LUZP2: variants seen among roughly 807,000 people sequenced by gnomAD.
The protein encoded by LUZP2 is leucine zipper protein 2.
A neutral mutation model predicts 51.6 loss-of-function variants in LUZP2; 52 were observed. The ratio of observed to expected loss-of-function variants is 1.01; its 90% CI spans 0.81 to 1.27. The LOEUF (loss-of-function observed/expected upper bound fraction) is 1.27. LUZP2 is among the 50% of genes most tolerant of loss of function. The pLI is 0.00. For synonymous variants in LUZP2, 154 were observed against 137.3 expected (o/e 1.12, Z -0.85); for missense variants, 436 against 395.4 (o/e 1.10, Z -0.87).
At chr11:24,563,294 T>C (rs1852113174) in intron 1 of LUZP2, among the ~76,000 whole-genome samples, 1 of 152,216 alleles carries the variant, frequency 6.6e-6, no homozygotes, top group African/African-American at 2.4e-5. Flanking sequence ...AAGCAGTTTC[T>C]TTCCATGAAA....
intron 1 of LUZP2, among the ~76,000 whole-genome samples, chr11:24,672,693 A>G (rs187527911): frequency 7.8e-4 from 119 of 152,350 alleles, no homozygotes; most frequent in Non-Finnish European, 1.3e-3. Context: ...TGCAAAAATC[A>G]TAGACTGTAC....
At chr11:24,777,389 G>A (rs532752122) in intron 5 of LUZP2, among the ~76,000 whole-genome samples, 1,833 of 152,062 alleles carry the variant, frequency 0.012, 21 homozygotes, top group Non-Finnish European at 0.018. Context: ...CATGCGGGGG[G>A]ATCCATTTAA....
intron 9 of LUZP2, among the ~76,000 whole-genome samples, chr11:25,043,892 CTA>C (rs1004866992): frequency 1.5e-5 from 2 of 137,926 alleles, no homozygotes; most frequent in African/African-American, 2.6e-5. Context: ...GGGTCTCAGA[CTA>C]TATATATATG....
At chr11:24,649,053 G>T (rs1855547659) in intron 1 of LUZP2, among the ~76,000 whole-genome samples, 1 of 151,948 alleles carries the variant, frequency 6.6e-6, no homozygotes, top group Non-Finnish European at 1.5e-5. Context: ...CAAACATAAA[G>T]CCTAAACTTC....
intron 5 of LUZP2, among the ~76,000 whole-genome samples, chr11:24,844,621 C>A (rs931234802): frequency 6.6e-6 from 1 of 152,118 alleles, no homozygotes; most frequent in African/African-American, 2.4e-5. Flanking sequence ...CAGGTCTTAA[C>A]AGCAGCCCAT....
chr11:24,638,000 C>T (rs527441640), intron 1 of LUZP2, among the ~76,000 whole-genome samples: 57 of 151,808 alleles, frequency 3.8e-4, no homozygotes, highest in Middle Eastern at 3.4e-3. Context: ...ATGACACCTC[C>T]GAAGTCCCAG....
At chr11:24,707,856 C>A (rs2133923936) in intron 1 of LUZP2, among the ~76,000 whole-genome samples, 1 of 152,166 alleles carries the variant, frequency 6.6e-6, no homozygotes, top group Non-Finnish European at 1.5e-5. Flanking sequence ...GAAGGGTGCA[C>A]CCTTACAGAT....
chr11:24,889,247 CAT>C (rs1491373243), intron 5 of LUZP2, among the ~76,000 whole-genome samples: 6 of 152,096 alleles, frequency 3.9e-5, no homozygotes, highest in African/African-American at 1.4e-4. Flanking sequence ...GATTATGTAA[CAT>C]GTGGGTGGGG....
chr11:24,918,145 T>C (rs531970952), intron 7 of LUZP2, among the ~76,000 whole-genome samples: 152 of 152,218 alleles, frequency 1.0e-3, no homozygotes, highest in Admixed American at 4.6e-3. Context: ...TTGTCTGTTA[T>C]TGGTGTATAA....
At chr11:24,868,345 G>A (rs1851958305) in intron 5 of LUZP2, among the ~76,000 whole-genome samples, 1 of 151,998 alleles carries the variant, frequency 6.6e-6, no homozygotes, top group South Asian at 2.1e-4. Flanking sequence ...ACAATTTTCT[G>A]ACTCTGGAAG....
intron 1 of LUZP2, among the ~76,000 whole-genome samples, chr11:24,583,425 G>T (rs1852944768): frequency 6.6e-6 from 1 of 152,110 alleles, no homozygotes; most frequent in African/African-American, 2.4e-5. Context: ...TAGCATTTTG[G>T]TTAAGAGCAG....
intron 1 of LUZP2, among the ~76,000 whole-genome samples, chr11:24,532,533 C>T (rs1479274713): frequency 6.6e-6 from 1 of 150,998 alleles, no homozygotes; most frequent in Admixed American, 6.6e-5. Flanking sequence ...TTCTCTCCCA[C>T]TTCCATCCTT....
At chr11:24,653,781 C>T (rs187353994) in intron 1 of LUZP2, among the ~76,000 whole-genome samples, 6 of 151,990 alleles carry the variant, frequency 3.9e-5, no homozygotes, top group Non-Finnish European at 7.4e-5. Flanking sequence ...AGAAGGCAAG[C>T]GAAGAGTTTC....
At chr11:25,057,362 C>T (rs1476436317) in intron 10 of LUZP2, among the ~76,000 whole-genome samples, 1 of 152,036 alleles carries the variant, frequency 6.6e-6, no homozygotes, top group African/African-American at 2.4e-5. Flanking sequence ...CCTCAGATTC[C>T]TTGTTCCTTT....
chr11:24,774,381 T>TAC (rs547340390), intron 5 of LUZP2, among the ~76,000 whole-genome samples: 7 of 93,974 alleles, frequency 7.4e-5, no homozygotes, highest in African/African-American at 2.3e-4. Flanking sequence ...TATATATATA[T>TAC]ACATACACAC....
At chr11:24,726,228 C>A (rs2095812029) in intron 1 of LUZP2, among the ~76,000 whole-genome samples, 1 of 151,944 alleles carries the variant, frequency 6.6e-6, no homozygotes, top group East Asian at 1.9e-4. Flanking sequence ...AAAGTAAATA[C>A]AAATTACATC....
rs60308723 is a variant in LUZP2 at position 24,866,113 on chromosome 11, TACACACACACACACAC to T, written c.397-39853_397-39838del. 4.8e-3 allele frequency among the ~76,000 whole-genome samples: 712 copies of T among 146,812 alleles called. 7 individuals are homozygous for T. The highest frequency in any genetic ancestry group is 0.017 in the African/African-American group (652 of 38,760). ...CGTGAGTCTCCCGGCCTGCATTTCA[TACACACACACACACAC>T]ACACACACACACACACACACACACG... On this transcript the variant is annotated intron_variant, in intron 5 of 11. Transcript: ENST00000336930.
intron 10 of LUZP2, among the ~76,000 whole-genome samples, chr11:25,063,098 C>T (rs929158707): frequency 2.6e-5 from 4 of 151,186 alleles, no homozygotes; most frequent in Non-Finnish European, 5.9e-5. Flanking sequence ...GTGGATTTAA[C>T]CAACCACGGA....
chr11:24,613,552 T>C (rs1203454023), intron 1 of LUZP2, among the ~76,000 whole-genome samples: 1 of 152,026 alleles, frequency 6.6e-6, no homozygotes, highest in African/African-American at 2.4e-5. Flanking sequence ...CCAGTTCAGA[T>C]TCTTCTGGAA....
Sources: allele counts gnomAD v4.1 joint callset (sites outside exome capture counted in the v4.1 genomes callset), GRCh38; gene constraint gnomAD v4.1.1; transcripts MANE v1.5; gene names NCBI Gene and HGNC (gene_info 2026-07-23, HGNC 2026-07-21).